DUSP22: variants seen among roughly 807,000 people sequenced by gnomAD.
The protein encoded by DUSP22 is dual specificity phosphatase 22.
A neutral mutation model predicts 24.5 loss-of-function variants in DUSP22; 24 were observed. That is an observed-to-expected ratio of 0.98 (90% CI 0.71 to 1.38). DUSP22 has a LOEUF of 1.38. Ranked by LOEUF, DUSP22 falls within the 40% of genes most tolerant of loss-of-function variation. The pLI, the probability that DUSP22 is intolerant of heterozygous loss-of-function variation, is 0.00. For synonymous variants in DUSP22, 160 were observed against 106.4 expected (o/e 1.50, Z -3.10); for missense variants, 330 against 269.2 (o/e 1.23, Z -1.58).
At position 349,293 on chromosome 6, in the gene DUSP22, G is replaced by A; in HGVS notation, c.*342G>A. 3 of 1,234,030 alleles carry A rather than the reference G, an allele frequency of 2.4e-6. No individual in the cohort carries two copies. The highest frequency in any genetic ancestry group is 3.1e-6 in the Non-Finnish European group (3 of 979,020). The allele number at this position is 1,234,030 out of a possible 1,614,324, so 76.4% of individuals were successfully genotyped here. ...AGTGAGGGTATGTGCACCTAAGTGTGTACATGTGTGTATGTTGTGAAAGTG... is the reference window on the plus strand; with the variant it reads ...AGTGAGGGTATGTGCACCTAAGTGTATACATGTGTGTATGTTGTGAAAGTG... On this transcript the variant is annotated 3_prime_UTR_variant, in exon 7 of 7. Transcript: ENST00000419235.
intron 5 of DUSP22, among the ~76,000 whole-genome samples, chr6:346,973 T>C (rs1235269036): frequency 1.3e-5 from 2 of 152,302 alleles, no homozygotes; most frequent in Admixed American, 6.5e-5. Flanking sequence ...TGTCTGCAGT[T>C]TCATACAGTT....
intron 1 of DUSP22, 111 bp from the exon 2 acceptor site, chr6:304,517 T>G: frequency 2.0e-6 from 3 of 1,491,732 alleles, no homozygotes; most frequent in Middle Eastern, 1.7e-4. Flanking sequence ...GGTGCTGTAC[T>G]GGGGAAGCAC....
At chr6:304,493 G>A (rs1454623231) in intron 1 of DUSP22, 135 bp from the exon 2 acceptor site, 30 of 1,316,800 alleles carry the variant, frequency 2.3e-5, no homozygotes, top group South Asian at 4.7e-5. Context: ...GGTCACCCGC[G>A]TGTCTGTCAG....
chr6:317,200 T>G (rs1486724913), intron 3 of DUSP22, among the ~76,000 whole-genome samples: 1 of 152,302 alleles, frequency 6.6e-6, no homozygotes, highest in Non-Finnish European at 1.5e-5. Context: ...CTCACCAAGG[T>G]GAGACGCCCA....
In DUSP22 at chr6:348,891, G is replaced by A. The variant is rs781137701; in HGVS notation, c.558G>A (p.Arg186=). 20 of 1,614,082 alleles carry A rather than the reference G, an allele frequency of 1.2e-5. No homozygotes were observed. The highest frequency in any genetic ancestry group is 6.7e-5 in the Admixed American group (4 of 59,994). The change falls in exon 7 of 7, where the codon CGG becomes CGA. Residue 186 remains arginine (R), a synonymous_variant. Transcript: ENST00000419235. ...GRTEPQPGAR[R]WSSFPALAPL... is the part of the protein sequence containing the mutation. ...CAGAGCCCCAGCCCGGCGCCAGGCG[G>A]TGGAGCAGTTTTCCGGCACTGGCTC...
intron 3 of DUSP22, among the ~76,000 whole-genome samples, chr6:331,090 A>T (rs1427779461): frequency 6.6e-6 from 1 of 152,304 alleles, no homozygotes; most frequent in Non-Finnish European, 1.5e-5. Flanking sequence ...GTCTTGAAGC[A>T]AACACAGAGC....
chr6:336,868 C>A, intron 4 of DUSP22, among the ~76,000 whole-genome samples: 1 of 152,310 alleles, frequency 6.6e-6, no homozygotes, highest in Non-Finnish European at 1.5e-5. Flanking sequence ...AGGAAGTGAG[C>A]CACTGCCTTT....
chr6:346,926 G>A (rs1173562870), intron 5 of DUSP22, among the ~76,000 whole-genome samples: 3 of 152,302 alleles, frequency 2.0e-5, no homozygotes. Context: ...AGGGACGACA[G>A]GGAGGACGCT....
intron 1 of DUSP22, among the ~76,000 whole-genome samples, chr6:295,901 A>G (rs1366436493): frequency 1.3e-5 from 2 of 152,196 alleles, no homozygotes; most frequent in African/African-American, 2.4e-5. Flanking sequence ...AGGTCAAACG[A>G]CCTTATATTT....
In DUSP22 at chr6:349,930, T is replaced by C. The variant is rs538544741; in HGVS notation, c.*979T>C. On this transcript the variant is annotated 3_prime_UTR_variant, in exon 7 of 7. Coordinates refer to ENST00000419235, the MANE Select transcript of DUSP22 (RefSeq NM_001286555.3). ...GCTTCATTCACTCCCAGCCTCTCGC[T>C]GTCCTCACTTTGCAGGGGCTCCTCC... 114 of 985,846 alleles carry C rather than the reference T, an allele frequency of 1.2e-4. No homozygotes were observed. The South Asian group carries it at 4.6e-3, about 40-fold the overall frequency. The allele number at this position is 985,846 out of a possible 1,614,324, so 61.1% of individuals were successfully genotyped here. A position where few individuals can be genotyped will look rare whatever the true frequency, so the allele number is the denominator to read the frequency against.
At chr6:329,918 C>CT (rs111238311) in intron 3 of DUSP22, among the ~76,000 whole-genome samples, 1,007 of 148,580 alleles carry the variant, frequency 6.8e-3, no homozygotes, top group Admixed American at 0.047. Flanking sequence ...GCTTTTAATT[C>CT]TTTTTTTTTT....
intron 4 of DUSP22, among the ~76,000 whole-genome samples, chr6:340,952 A>G (rs1554102212): frequency 1.3e-5 from 2 of 152,118 alleles, no homozygotes; most frequent in Non-Finnish European, 2.9e-5. Context: ...CTTTTCTTAG[A>G]CTCTCTGAAG....
chr6:300,847 A>G (rs1192521671), intron 1 of DUSP22, among the ~76,000 whole-genome samples: 1 of 152,308 alleles, frequency 6.6e-6, no homozygotes, highest in Non-Finnish European at 1.5e-5. Flanking sequence ...AACAGGGCAG[A>G]CAGCCTGGAA....
chr6:333,392 G>A (rs1423066840), intron 3 of DUSP22, among the ~76,000 whole-genome samples: 1 of 152,308 alleles, frequency 6.6e-6, no homozygotes, highest in Non-Finnish European at 1.5e-5. Context: ...ATTGGAAGGT[G>A]TAAAGATTGA....
At chr6:295,195 A>G (rs1280229553) in intron 1 of DUSP22, among the ~76,000 whole-genome samples, 1 of 152,294 alleles carries the variant, frequency 6.6e-6, no homozygotes, top group African/African-American at 2.4e-5. Flanking sequence ...ATAACTTGGA[A>G]TGTGTGTGCC....
At chr6:319,262 A>AT (rs1446437941) in intron 3 of DUSP22, among the ~76,000 whole-genome samples, 2 of 152,308 alleles carry the variant, frequency 1.3e-5, no homozygotes, top group Non-Finnish European at 2.9e-5. Context: ...GTGTCTGGTA[A>AT]TGACAGGTAG....
chr6:303,572 C>CT (rs1297942128), intron 1 of DUSP22, among the ~76,000 whole-genome samples: 3 of 152,306 alleles, frequency 2.0e-5, no homozygotes, highest in Non-Finnish European at 4.4e-5. Context: ...GATAGGGGAG[C>CT]TGCAGGGTTG....
intron 3 of DUSP22, among the ~76,000 whole-genome samples, chr6:321,128 G>A (rs1758569098): frequency 6.6e-6 from 1 of 152,304 alleles, no homozygotes; most frequent in Non-Finnish European, 1.5e-5. Flanking sequence ...GCCAGGCAGT[G>A]ATGGAGATGA....
intron 4 of DUSP22, among the ~76,000 whole-genome samples, chr6:339,845 T>A (rs1759522262): frequency 6.6e-6 from 1 of 152,300 alleles, no homozygotes; most frequent in South Asian, 2.1e-4. Flanking sequence ...ACGTTTTTCT[T>A]TTATTTTATT....
Sources: gnomAD v4.1 joint callset for allele counts (sites outside exome capture counted in the v4.1 genomes callset) on GRCh38, gnomAD v4.1.1 for gene constraint, MANE v1.5 for transcripts, NCBI Gene and HGNC (gene_info 2026-07-23, HGNC 2026-07-21) for gene names.